The following DENND4C variants were observed in gnomAD, a reference collection of about 807,000 sequenced individuals.
The protein encoded by DENND4C is DENN domain-containing protein 4C.
DENND4C carries 108 observed loss-of-function variants against 203.0 expected under a neutral mutation model. The observed-to-expected ratio is 0.53, with a 90% CI of 0.46 to 0.62. DENND4C has a LOEUF of 0.62. DENND4C is among the 20% of genes least tolerant of loss of function. DENND4C has a pLI of 0.00. For synonymous variants in DENND4C, 871 were observed against 792.4 expected, an observed-to-expected ratio of 1.10 and a Z score of -1.67; for missense variants, 2,481 against 2,301.2, an observed-to-expected ratio of 1.08 and a Z score of -1.60.
rs1049042823 is a variant in DENND4C, at chr9:19,374,140, C to T, written c.*1967C>T. Among the ~76,000 whole-genome samples, 14 of 152,126 alleles carry T rather than the reference C, an allele frequency of 9.2e-5. No individual in the cohort carries two copies. Among genetic ancestry groups the T allele is most frequent in the Non-Finnish European group, 1.3e-4 (9 of 68,012 alleles). On this transcript the variant is annotated 3_prime_UTR_variant, in exon 33 of 33. Transcript: ENST00000434457. The stretch of plus-strand genomic sequence containing the variant: ...AATGAAAAATTGTTGTTTTCTGTTA[C>T]ATTAAGCCTCTTGAAATCTGTAATC...
chr9:19,324,465 T>C lies in DENND4C; in HGVS notation c.1911T>C (p.Asp637=). The part of the protein sequence containing the change: ...RFIEECSFVS[D]KDTGLAFFDD... ...TTGAAGAATGCAGTTTTGTAAGTGATAAAGATACTGGATTAGCATTTTTTG... is the reference window on the plus strand; with the variant it reads ...TTGAAGAATGCAGTTTTGTAAGTGACAAAGATACTGGATTAGCATTTTTTG... Residue 637 remains aspartate, a synonymous_variant, in exon 13 of 33, where the codon GAT becomes GAC. Coordinates refer to ENST00000434457, the MANE Select transcript of DENND4C (RefSeq NM_001330640.2). The C allele has an allele frequency of 6.2e-7, 1 of 1,611,814 alleles. No individual in the cohort carries two copies. The highest frequency in any genetic ancestry group is 8.5e-7 in the Non-Finnish European group (1 of 1,179,450).
chr9:19,367,189 TAAC>T (rs1309060724), intron 30 of DENND4C, among the ~76,000 whole-genome samples: 4 of 152,096 alleles, frequency 2.6e-5, no homozygotes, highest in South Asian at 2.1e-4. Flanking sequence ...AAAAAAATAA[TAAC>T]GAGTTAGTGA....
intron 1 of DENND4C, among the ~76,000 whole-genome samples, chr9:19,271,606 C>T (rs58067241): frequency 0.028 from 4,220 of 152,250 alleles, 189 homozygotes; most frequent in African/African-American, 0.094. Flanking sequence ...TGGCTCACGC[C>T]TGTAATCCCA....
At chr9:19,250,991 G>T (rs573661530) in intron 1 of DENND4C, among the ~76,000 whole-genome samples, 1 of 152,206 alleles carries the variant, frequency 6.6e-6, no homozygotes, top group Non-Finnish European at 1.5e-5. Context: ...ATGGAGGACG[G>T]TGACCACCTT....
chr9:19,371,686 C>G, intron 31 of DENND4C, 70 bp from the exon 32 acceptor site: 1 of 773,672 alleles, frequency 1.3e-6, no homozygotes. Flanking sequence ...ATGTCTTCAC[C>G]ATTAAAAAAA....
chr9:19,352,655 G>A lies in DENND4C; in HGVS notation c.4771G>A (p.Gly1591Ser), dbSNP rs1824417944. ...LLNIEFKDLRGSASFFLKPST... is the reference protein window; with the variant it reads ...LLNIEFKDLRSSASFFLKPST... ...CAATATAGAATTCAAAGATTTGAGA[G>A]GTTCTGCAAGGTTAGTCTTATAAAA... The change falls in exon 26 of 33, where the codon GGT becomes AGT. Residue 1591 changes from glycine (G) to serine (S), a missense_variant. Coordinates refer to ENST00000434457, the MANE Select transcript of DENND4C (RefSeq NM_001330640.2). 6.3e-7 allele frequency: 1 copy of A among 1,594,682 alleles called. No homozygotes were observed. Among genetic ancestry groups the A allele is most frequent in the Non-Finnish European group, 8.6e-7 (1 of 1,168,826 alleles).
At chr9:19,299,861 G>A (rs562331122) in intron 8 of DENND4C, among the ~76,000 whole-genome samples, 66 of 152,078 alleles carry the variant, frequency 4.3e-4, no homozygotes, top group African/African-American at 1.5e-3. Context: ...CAATTTCTTG[G>A]CTATGACAAC....
intron 22 of DENND4C, among the ~76,000 whole-genome samples, chr9:19,343,953 T>C (rs916405914): frequency 2.0e-5 from 3 of 152,248 alleles, no homozygotes; most frequent in Admixed American, 2.0e-4. Flanking sequence ...AAGGATTTGT[T>C]TCTCAAATAT....
chr9:19,239,640 C>T lies in DENND4C; in HGVS notation c.-18+8807C>T, dbSNP rs750302303. Among the ~76,000 whole-genome samples the T allele has an allele frequency of 2.0e-5, 3 of 152,060 alleles. No homozygotes were observed. In the East Asian group the frequency reaches 5.8e-4, roughly 29 times the overall value. On this transcript the variant is annotated intron_variant, in intron 1 of 32. Transcript: ENST00000434457. ...TAGCTGGGATTACAAGCGCACACCA[C>T]CATGCCCGGCTAATTTTTGTGTTTT...
At chr9:19,306,123 T>C (rs951498164) in intron 10 of DENND4C, among the ~76,000 whole-genome samples, 2 of 152,186 alleles carry the variant, frequency 1.3e-5, no homozygotes, top group Admixed American at 1.3e-4. Context: ...GATGGATGTT[T>C]AAGGGTTACC....
chr9:19,269,780 G>C (rs764609447), intron 1 of DENND4C, among the ~76,000 whole-genome samples: 1 of 152,100 alleles, frequency 6.6e-6, no homozygotes, highest in Non-Finnish European at 1.5e-5. Context: ...TGTTTGGTGA[G>C]GTCATGTTTT....
intron 30 of DENND4C, among the ~76,000 whole-genome samples, chr9:19,368,261 T>A (rs79398242): frequency 1.5e-3 from 209 of 140,410 alleles, no homozygotes; most frequent in African/African-American, 6.2e-3. Flanking sequence ...TTTGCTATTT[T>A]TTTTTTTTTT....
At chr9:19,262,527 G>A (rs998469694) in intron 1 of DENND4C, among the ~76,000 whole-genome samples, 2 of 150,200 alleles carry the variant, frequency 1.3e-5, no homozygotes, top group African/African-American at 5.0e-5. Context: ...CACCTCCCAG[G>A]TTCACATGAT....
At chr9:19,259,806 G>A (rs912343781) in intron 1 of DENND4C, among the ~76,000 whole-genome samples, 4 of 152,020 alleles carry the variant, frequency 2.6e-5, no homozygotes, top group South Asian at 2.1e-4. Flanking sequence ...CGCCTGGCTC[G>A]AATGCCACAT....
At chr9:19,270,899 C>G (rs571517776) in intron 1 of DENND4C, among the ~76,000 whole-genome samples, 3 of 151,976 alleles carry the variant, frequency 2.0e-5, no homozygotes, top group Non-Finnish European at 4.4e-5. Flanking sequence ...TATATGAGAT[C>G]AATATGTAAA....
intron 16 of DENND4C, among the ~76,000 whole-genome samples, chr9:19,331,582 G>C (rs1250123386): frequency 6.6e-6 from 1 of 152,172 alleles, no homozygotes; most frequent in Non-Finnish European, 1.5e-5. Flanking sequence ...GGAAATCTTG[G>C]CAGGAGATAG....
At chr9:19,309,376 C>T (rs185398957) in intron 10 of DENND4C, among the ~76,000 whole-genome samples, 5 of 149,648 alleles carry the variant, frequency 3.3e-5, no homozygotes, top group South Asian at 2.1e-4. Context: ...CAGTTGAGAT[C>T]GTGTCATTGC....
At chr9:19,336,860 T>A in intron 20 of DENND4C, 28 bp downstream of exon 20, 1 of 1,537,106 alleles carries the variant, frequency 6.5e-7, no homozygotes, top group Non-Finnish European at 8.8e-7. Flanking sequence ...TTACTAACCC[T>A]TCACTTACTC....
At position 19,284,942 on chromosome 9, in the gene DENND4C, G is replaced by C. The variant is rs1473372340; in HGVS notation, c.306-1827G>C. Reference sequence around the variant, plus strand: ...ATATTTTATTGGTACTGGATTTTGAGTCATAGTCTTTTCCCACTGCTAGAT... The same window carrying C: ...ATATTTTATTGGTACTGGATTTTGACTCATAGTCTTTTCCCACTGCTAGAT... On this transcript the variant is annotated intron_variant, in intron 2 of 32. Transcript: ENST00000434457. 2.2e-4 allele frequency among the ~76,000 whole-genome samples: 34 copies of C among 152,018 alleles called. 1 individual carries two copies. Among genetic ancestry groups the C allele is most frequent in the Admixed American group, 2.2e-3 (34 of 15,258 alleles).
Sources: allele counts gnomAD v4.1 joint callset (sites outside exome capture counted in the v4.1 genomes callset), GRCh38; gene constraint gnomAD v4.1.1; transcripts MANE v1.5; gene names NCBI Gene and HGNC (gene_info 2026-07-23, HGNC 2026-07-21).